Variants in FMNL2 observed in about 807,000 individuals in gnomAD.
FMNL2 encodes the protein formin like 2.
Under a neutral mutation model 130.2 loss-of-function variants are expected in FMNL2, and 51 were observed. That is an observed-to-expected ratio of 0.39 (90% CI 0.31 to 0.49). The LOEUF (loss-of-function observed/expected upper bound fraction) is 0.49, where lower values mean the gene tolerates loss of function less well. Among genes scored for constraint, FMNL2 ranks in the 20% least tolerant of loss-of-function variants. The probability of loss-of-function intolerance (pLI) is 0.85; values close to 1 mark genes in which losing one functional copy is unlikely to be tolerated. For synonymous variants in FMNL2, 465 were observed against 467.1 expected, an observed-to-expected ratio of 1.00 and a Z score of 0.06; for missense variants, 977 against 1,316.2, an observed-to-expected ratio of 0.74 and a Z score of 3.99.
intron 1 of FMNL2, among the ~76,000 whole-genome samples, chr2:152,410,606 C>T (rs1686226230): frequency 6.6e-6 from 1 of 152,234 alleles, no homozygotes; most frequent in Non-Finnish European, 1.5e-5. Flanking sequence ...GAATTTGGTA[C>T]TGTGACTTCA....
intron 5 of FMNL2, 59 bp from the exon 6 acceptor site, chr2:152,560,824 C>G (rs140861989): frequency 6.7e-7 from 1 of 1,498,284 alleles, no homozygotes; most frequent in African/African-American, 1.4e-5. Flanking sequence ...TATACATGTT[C>G]GTTTATACAT....
intron 1 of FMNL2, among the ~76,000 whole-genome samples, chr2:152,483,875 GA>G (rs140845228): frequency 0.024 from 3,691 of 152,308 alleles, 158 homozygotes; most frequent in African/African-American, 0.085. Flanking sequence ...TTTCCATGGA[GA>G]GGGGGAAAAA....
At chr2:152,628,615 C>T (rs1559023621) in intron 18 of FMNL2, 82 bp downstream of exon 18, 1 of 1,260,024 alleles carries the variant, frequency 7.9e-7, no homozygotes, top group South Asian at 1.3e-5. Context: ...CAGAATCGTA[C>T]TCAGTGTGAT....
At chr2:152,364,370 A>G (rs746715323) in intron 1 of FMNL2, among the ~76,000 whole-genome samples, 1 of 149,444 alleles carries the variant, frequency 6.7e-6, no homozygotes, top group Non-Finnish European at 1.5e-5. Context: ...TAGGATACAC[A>G]TGGAGTTATT....
chr2:152,374,712 A>G (rs1684066486), intron 1 of FMNL2, among the ~76,000 whole-genome samples: 1 of 152,238 alleles, frequency 6.6e-6, no homozygotes. Flanking sequence ...TTAGTGAAAC[A>G]TGCTTTCCAT....
intron 1 of FMNL2, among the ~76,000 whole-genome samples, chr2:152,380,195 C>T (rs1371008621): frequency 1.3e-5 from 2 of 152,146 alleles, no homozygotes; most frequent in African/African-American, 4.8e-5. Context: ...TTGCATCTAG[C>T]ATGGTACCTG....
chr2:152,450,216 G>A (rs1688560552), intron 1 of FMNL2, among the ~76,000 whole-genome samples: 2 of 152,008 alleles, frequency 1.3e-5, no homozygotes, highest in South Asian at 4.2e-4. Flanking sequence ...GTATTAATCA[G>A]AACTTGTAGT....
chr2:152,639,087 G>A (rs1013420562), intron 23 of FMNL2, among the ~76,000 whole-genome samples: 1 of 152,062 alleles, frequency 6.6e-6, no homozygotes, highest in African/African-American at 2.4e-5. Context: ...AGTGAAGCAT[G>A]TGCCAGGCAG....
intron 1 of FMNL2, among the ~76,000 whole-genome samples, chr2:152,494,923 C>A (rs1691418768): frequency 6.6e-6 from 1 of 152,006 alleles, no homozygotes; most frequent in South Asian, 2.1e-4. Context: ...TGTGCCAGGC[C>A]CTGTTATGCA....
intron 1 of FMNL2, among the ~76,000 whole-genome samples, chr2:152,430,054 C>CA (rs974946879): frequency 3.3e-5 from 5 of 152,104 alleles, no homozygotes; most frequent in Non-Finnish European, 5.9e-5. Flanking sequence ...AACTTAAAAA[C>CA]AAAAAACAAA....
intron 1 of FMNL2, among the ~76,000 whole-genome samples, chr2:152,485,293 C>A (rs1690756940): frequency 6.6e-6 from 1 of 152,220 alleles, no homozygotes; most frequent in Admixed American, 6.5e-5. Context: ...GAGATCAAGA[C>A]CATCCTGGCC....
chr2:152,647,707 C>G, intron 25 of FMNL2, 89 bp from the exon 26 acceptor site: 1 of 1,243,470 alleles, frequency 8.0e-7, no homozygotes, highest in South Asian at 1.2e-5. Flanking sequence ...ACACAAGCTG[C>G]TTTGATTGGC....
At chr2:152,412,070 A>G (rs1686316604) in intron 1 of FMNL2, among the ~76,000 whole-genome samples, 1 of 152,088 alleles carries the variant, frequency 6.6e-6, no homozygotes, top group Non-Finnish European at 1.5e-5. Flanking sequence ...TCCCTAAGCT[A>G]CTTCATCTCC....
chr2:152,342,728 A>T (rs1042320408), intron 1 of FMNL2, among the ~76,000 whole-genome samples: 1 of 152,160 alleles, frequency 6.6e-6, no homozygotes, highest in African/African-American at 2.4e-5. Context: ...AACTGATAGC[A>T]TATAATTTGG....
intron 1 of FMNL2, among the ~76,000 whole-genome samples, chr2:152,451,180 G>A (rs1181555150): frequency 4.6e-5 from 7 of 151,948 alleles, no homozygotes; most frequent in South Asian, 2.1e-4. Flanking sequence ...ATGGAGTCTC[G>A]CTCTGTTGCC....
At chr2:152,378,959 C>T (rs1684313012) in intron 1 of FMNL2, among the ~76,000 whole-genome samples, 1 of 108,052 alleles carries the variant, frequency 9.3e-6, no homozygotes, top group African/African-American at 3.6e-5. Context: ...AGAGGGATGG[C>T]TAGAGAAGGA....
Position 152,425,818 on chromosome 2 carries a change from A to G in FMNL2, c.117+90098A>G, listed in dbSNP as rs1687172546. Among the ~76,000 whole-genome samples the G allele has an allele frequency of 2.6e-5, 4 of 152,134 alleles. No individual in the cohort carries two copies. In the South Asian group the frequency reaches 8.3e-4, roughly 32 times the overall value. The stretch of plus-strand genomic sequence containing the variant: ...CCTTTGTGGTTTCCCATGTGTTTCT[A>G]ATCAATAGTTCTTGGCGGTTTCCAA... On this transcript the variant is annotated intron_variant, in intron 1 of 25. Coordinates refer to ENST00000288670, the MANE Select transcript of FMNL2 (RefSeq NM_052905.4).
chr2:152,626,677 T>C lies in FMNL2; in HGVS notation c.2115T>C (p.Thr705=). Residue 705 remains threonine, a synonymous_variant, in exon 17 of 26, where the codon ACT becomes ACC. Coordinates refer to ENST00000288670, the MANE Select transcript of FMNL2 (RefSeq NM_052905.4). ...EANRAKNLAI[T]LRKAGKTADE... ...ACAGGGCCAAAAATCTTGCCATAACTTTAAGGAAAGCTGGAAAGACTGCTG... is the reference window on the plus strand; with the variant it reads ...ACAGGGCCAAAAATCTTGCCATAACCTTAAGGAAAGCTGGAAAGACTGCTG... 2.5e-6 allele frequency: 4 copies of C among 1,613,064 alleles called. No individual in the cohort carries two copies. Among genetic ancestry groups the C allele is most frequent in the Non-Finnish European group, 3.4e-6 (4 of 1,179,546 alleles).
At chr2:152,339,196 T>G (rs1223994233) in intron 1 of FMNL2, among the ~76,000 whole-genome samples, 3 of 151,872 alleles carry the variant, frequency 2.0e-5, no homozygotes, top group Admixed American at 1.3e-4. Context: ...ATTTCATGAT[T>G]TTTTTTTAAG....
Sources: allele counts gnomAD v4.1 joint callset (sites outside exome capture counted in the v4.1 genomes callset), GRCh38; gene constraint gnomAD v4.1.1; transcripts MANE v1.5; gene names NCBI Gene and HGNC (gene_info 2026-07-23, HGNC 2026-07-21).